WFDC3: variants seen among roughly 807,000 people sequenced by gnomAD.
WFDC3 encodes the protein WAP four-disulfide core domain protein 3.
WFDC3 carries 15 observed loss-of-function variants against 25.8 expected under a neutral mutation model. That is an observed-to-expected ratio of 0.58 (90% CI 0.39 to 0.89). The LOEUF is 0.89. Among genes scored for constraint, WFDC3 ranks in the 40% least tolerant of loss-of-function variants. The pLI, the probability that WFDC3 is intolerant of heterozygous loss-of-function variation, is 0.00. For missense variants in WFDC3, 264 were observed against 289.8 expected (o/e 0.91, Z 0.65); for synonymous variants, 103 against 107.1 (o/e 0.96, Z 0.24).
At chr20:45,782,636 A>G (rs1980499962) in intron 4 of WFDC3, among the ~76,000 whole-genome samples, 1 of 152,052 alleles carries the variant, frequency 6.6e-6, no homozygotes, top group African/African-American at 2.4e-5. Flanking sequence ...TTGGCCTCCC[A>G]AAGTGCTGGG....
At chr20:45,786,265 C>T (rs1231463624) in intron 4 of WFDC3, among the ~76,000 whole-genome samples, 1 of 152,180 alleles carries the variant, frequency 6.6e-6, no homozygotes, top group African/African-American at 2.4e-5. Flanking sequence ...TGGCATGTGC[C>T]TGTAATCCCA....
intron 3 of WFDC3, 172 bp from the exon 4 acceptor site, chr20:45,788,154 T>C (rs1227069584): frequency 5.3e-6 from 3 of 570,480 alleles, no homozygotes; most frequent in African/African-American, 2.0e-5. Context: ...AAATACAAAA[T>C]TAGTCGGGGG....
intron 5 of WFDC3, among the ~76,000 whole-genome samples, chr20:45,776,597 C>CAAAAAAAAAAA (rs1226620611): frequency 7.7e-5 from 1 of 12,910 alleles, no homozygotes; most frequent in African/African-American, 2.6e-4. Context: ...GACTCTGTCT[C>CAAAAAAAAAAA]AAAAAAAAAA....
chr20:45,775,350 G>A, intron 6 of WFDC3, 67 bp downstream of exon 6: 2 of 1,558,542 alleles, frequency 1.3e-6, no homozygotes, highest in Non-Finnish European at 1.7e-6. Flanking sequence ...CCCCTTCCCA[G>A]CACCTAAGCC....
intron 1 of WFDC3, chr20:45,790,810 C>A: frequency 2.4e-6 from 1 of 421,250 alleles, no homozygotes; most frequent in Admixed American, 2.9e-5. Flanking sequence ...TGAAAAGCAC[C>A]AAACACCTAC....
chr20:45,774,997 C>G (rs2145679452), intron 6 of WFDC3, among the ~76,000 whole-genome samples: 1 of 152,056 alleles, frequency 6.6e-6, no homozygotes, highest in African/African-American at 2.4e-5. Flanking sequence ...CACCCTGCCC[C>G]CACTCCTCAC....
At chr20:45,790,901 T>A (rs1049815313) in intron 1 of WFDC3, 3 of 471,044 alleles carry the variant, frequency 6.4e-6, no homozygotes, top group Non-Finnish European at 1.3e-5. Context: ...AGTTGCTATG[T>A]ATGACTCAAA....
intron 4 of WFDC3, among the ~76,000 whole-genome samples, chr20:45,780,393 ACTGAC>A (rs1443842824): frequency 2.0e-5 from 3 of 151,922 alleles, no homozygotes; most frequent in Non-Finnish European, 4.4e-5. Flanking sequence ...ACCTCTTTAT[ACTGAC>A]CTGAAATCTG....
chr20:45,787,775 T>C, intron 4 of WFDC3, 61 bp downstream of exon 4: 2 of 1,544,978 alleles, frequency 1.3e-6, no homozygotes, highest in Non-Finnish European at 1.7e-6. Context: ...GATATGTGCA[T>C]ATTTGAGAAA....
intron 5 of WFDC3, 34 bp downstream of exon 5, chr20:45,777,041 A>T: frequency 6.2e-7 from 1 of 1,611,188 alleles, no homozygotes; most frequent in Admixed American, 1.7e-5. Context: ...CTCAGGAAAC[A>T]CTCAAGGATT....
intron 4 of WFDC3, among the ~76,000 whole-genome samples, chr20:45,777,861 T>G (rs998077557): frequency 1.3e-5 from 2 of 149,766 alleles, no homozygotes; most frequent in African/African-American, 4.9e-5. Flanking sequence ...TTTTCCTAAT[T>G]ACTAAATTGC....
intron 5 of WFDC3, 91 bp from the exon 6 acceptor site, chr20:45,775,693 G>A: frequency 6.6e-7 from 1 of 1,521,062 alleles, no homozygotes; most frequent in Non-Finnish European, 9.0e-7. Flanking sequence ...GAGGCTCTAG[G>A]TCAATCAACC....
intron 4 of WFDC3, among the ~76,000 whole-genome samples, chr20:45,781,788 C>T (rs574654438): frequency 6.6e-6 from 1 of 152,302 alleles, no homozygotes; most frequent in African/African-American, 2.4e-5. Flanking sequence ...ACAATGTTTA[C>T]ACAAACAGTT....
At chr20:45,788,204 T>G in intron 3 of WFDC3, 1 of 340,448 alleles carries the variant, frequency 2.9e-6, no homozygotes, top group South Asian at 3.8e-5. Flanking sequence ...CTTGGGAGGC[T>G]GAGGCAGGAG....
chr20:45,782,013 A>G (rs1235924430), intron 4 of WFDC3, among the ~76,000 whole-genome samples: 1 of 152,196 alleles, frequency 6.6e-6, no homozygotes, highest in Non-Finnish European at 1.5e-5. Flanking sequence ...CAGCCCACGT[A>G]AAAGATAATA....
chr20:45,777,156 C>T lies in WFDC3; in HGVS notation c.412G>A (p.Asp138Asn). The stretch of plus-strand genomic sequence containing the variant: ...CCCTGGGGACAGGATGCATCCCCAT[C>T]ACACAGCTCCTCACACGGAAGGGGG... ...ADPLPCEELC[D>N]GDASCPQGHK... is the part of the protein sequence containing the mutation. Residue 138 changes from aspartate (D) to asparagine (N), a missense_variant, in exon 5 of 7, where the codon GAT (aspartate) becomes AAT (asparagine). Transcript: ENST00000243938. 1 of 1,606,218 alleles carries T rather than the reference C, an allele frequency of 6.2e-7. No homozygotes were observed. Among genetic ancestry groups the T allele is most frequent in the South Asian group, 1.1e-5 (1 of 90,166 alleles).
chr20:45,791,832 A>G lies in WFDC3; in HGVS notation c.-8T>C. On this transcript the variant is annotated splice_region_variant and 5_prime_UTR_variant, in exon 1 of 7. Transcript: ENST00000243938. Reference sequence around the variant, plus strand: ...GGAAGCCCCAACGACCTCCACCTACAAGGCCTCTAAGTGTAACTGTCCTGG... The same window carrying G: ...GGAAGCCCCAACGACCTCCACCTACGAGGCCTCTAAGTGTAACTGTCCTGG... 1 of 419,158 alleles carries G rather than the reference A, an allele frequency of 2.4e-6. No individual in the cohort carries two copies. Among genetic ancestry groups the G allele is most frequent in the Admixed American group, 4.4e-5 (1 of 22,560 alleles). 26.0% of individuals were successfully genotyped at this position (419,158 alleles called of 1,614,324 possible).
chr20:45,784,497 T>C (rs1366782904), intron 4 of WFDC3, among the ~76,000 whole-genome samples: 1 of 152,216 alleles, frequency 6.6e-6, no homozygotes, highest in Non-Finnish European at 1.5e-5. Flanking sequence ...ATCCCAGCAC[T>C]TTGGGAGGCC....
At chr20:45,775,763 G>C (rs1209239507) in intron 5 of WFDC3, among the ~76,000 whole-genome samples, 161 bp from the exon 6 acceptor site, 1 of 151,706 alleles carries the variant, frequency 6.6e-6, no homozygotes, top group African/African-American at 2.4e-5. Flanking sequence ...GAGGATCTCA[G>C]AATCTTTAGG....
Sources: gnomAD v4.1 joint callset for allele counts (sites outside exome capture counted in the v4.1 genomes callset) on GRCh38, gnomAD v4.1.1 for gene constraint, MANE v1.5 for transcripts, NCBI Gene and HGNC (gene_info 2026-07-23, HGNC 2026-07-21) for gene names.